The following PHACTR1 variants were observed in gnomAD, a reference collection of about 807,000 sequenced individuals.
The protein encoded by PHACTR1 is phosphatase and actin regulator 1, also known as RPEL repeat containing 1.
PHACTR1 carries 16 observed loss-of-function variants against 69.2 expected under a neutral mutation model. The observed-to-expected ratio is 0.23, with a 90% confidence interval of 0.16 to 0.35. PHACTR1 has a LOEUF of 0.35. Ranked by LOEUF, PHACTR1 falls within the 10% of genes least tolerant of loss-of-function variation. PHACTR1 has a pLI of 1.00. For missense variants in PHACTR1, 510 were observed against 734.7 expected (o/e 0.69, Z 3.54); for synonymous variants, 312 against 284.5 (o/e 1.10, Z -0.97).
At chr6:13,208,952 CAG>C (rs1238386828) in intron 8 of PHACTR1, among the ~76,000 whole-genome samples, 2 of 152,116 alleles carry the variant, frequency 1.3e-5, no homozygotes, top group Non-Finnish European at 2.9e-5. Context: ...TGTCCCAACT[CAG>C]AGTCATTTCC....
chr6:13,278,170 A>G, intron 11 of PHACTR1, 98 bp from the exon 12 acceptor site: 1 of 1,167,864 alleles, frequency 8.6e-7, no homozygotes. Flanking sequence ...CTTTATTAAA[A>G]TGAGATGCTT....
At chr6:12,982,594 C>G (rs1231384350) in intron 4 of PHACTR1, among the ~76,000 whole-genome samples, 1 of 152,194 alleles carries the variant, frequency 6.6e-6, no homozygotes, top group Non-Finnish European at 1.5e-5. Flanking sequence ...CAGAGAATCG[C>G]TTGAACCCGA....
chr6:13,081,877 A>G (rs1811443393), intron 5 of PHACTR1, among the ~76,000 whole-genome samples: 1 of 152,172 alleles, frequency 6.6e-6, no homozygotes, highest in Non-Finnish European at 1.5e-5. Context: ...GTCCTGTTTA[A>G]ATGCTACAGC....
intron 3 of PHACTR1, among the ~76,000 whole-genome samples, chr6:12,726,897 A>T (rs1273055577): frequency 6.6e-6 from 1 of 152,182 alleles, no homozygotes; most frequent in Non-Finnish European, 1.5e-5. Context: ...CTATCCAAAT[A>T]GTTGATATGT....
chr6:12,794,871 G>T (rs544502175), intron 4 of PHACTR1, among the ~76,000 whole-genome samples: 26 of 152,306 alleles, frequency 1.7e-4, no homozygotes, highest in African/African-American at 4.8e-4. Flanking sequence ...GCAGGGGCCA[G>T]ATGACAGAGG....
At chr6:13,213,455 C>T (rs1378307819) in intron 8 of PHACTR1, among the ~76,000 whole-genome samples, 2 of 152,270 alleles carry the variant, frequency 1.3e-5, no homozygotes, top group Admixed American at 1.3e-4. Flanking sequence ...GCACACACCC[C>T]TTTTGCATAC....
chr6:12,872,804 G>A (rs552315030), intron 4 of PHACTR1, among the ~76,000 whole-genome samples: 8 of 152,048 alleles, frequency 5.3e-5, no homozygotes, highest in Non-Finnish European at 1.0e-4. Context: ...CCAAATCCTT[G>A]TGCCATCAAC....
rs527534014 is a variant in PHACTR1, at chr6:13,270,936, A to G, written c.1392-1924A>G. ...ATCATGGAGGAAGGTGAAGGAGAAGAAGGCACATCACATGGCAAAAGCAGG... is the reference window on the plus strand; with the variant it reads ...ATCATGGAGGAAGGTGAAGGAGAAGGAGGCACATCACATGGCAAAAGCAGG... On this transcript the variant is annotated intron_variant, in intron 10 of 14. Transcript: ENST00000332995. 2.0e-5 allele frequency among the ~76,000 whole-genome samples: 3 copies of G among 152,202 alleles called. No individual in the cohort carries two copies. In the South Asian group the frequency reaches 6.2e-4, roughly 32 times the overall value.
chr6:12,998,169 G>A (rs1258584276), intron 4 of PHACTR1, among the ~76,000 whole-genome samples: 3 of 152,206 alleles, frequency 2.0e-5, no homozygotes, highest in Non-Finnish European at 4.4e-5. Flanking sequence ...TCTCCATATT[G>A]TAAAAAATAA....
chr6:13,215,655 A>G (rs930978037), intron 8 of PHACTR1, among the ~76,000 whole-genome samples: 5 of 152,252 alleles, frequency 3.3e-5, no homozygotes, highest in African/African-American at 9.6e-5. Context: ...TCAGGCTAAT[A>G]GGAGTCCCAA....
Position 13,222,774 on chromosome 6 carries a change from T to G in PHACTR1, c.987-5042T>G, listed in dbSNP as rs117267822. Among the ~76,000 whole-genome samples the G allele has an allele frequency of 6.7e-3, 1,017 of 152,278 alleles. 13 individuals are homozygous for G. The highest frequency in any genetic ancestry group is 0.027 in the East Asian group (142 of 5,176). The stretch of plus-strand genomic sequence containing the variant: ...TGGAGGAAGTGCTGCTGGCATCTGG[T>G]GGGCAGAGGCCAGGGGTACTGCTAA... On this transcript the variant is annotated intron_variant, in intron 8 of 14. Coordinates refer to ENST00000332995, the MANE Select transcript of PHACTR1 (RefSeq NM_030948.6).
intron 4 of PHACTR1, among the ~76,000 whole-genome samples, chr6:12,820,846 T>C (rs1046270207): frequency 1.3e-5 from 2 of 152,206 alleles, no homozygotes; most frequent in East Asian, 3.8e-4. Flanking sequence ...ATAAACTCTT[T>C]ATTAACAAAA....
chr6:13,117,390 A>T (rs901053446), intron 5 of PHACTR1, among the ~76,000 whole-genome samples: 1 of 152,128 alleles, frequency 6.6e-6, no homozygotes, highest in Admixed American at 6.6e-5. Flanking sequence ...TAGTGATGTC[A>T]TATGGATTTG....
intron 4 of PHACTR1, among the ~76,000 whole-genome samples, chr6:12,985,509 T>C (rs1796037793): frequency 7.1e-6 from 1 of 141,212 alleles, no homozygotes; most frequent in African/African-American, 2.8e-5. Flanking sequence ...TCATCAGAAG[T>C]TTGTAAAGTA....
chr6:13,129,616 A>T (rs1359797422), intron 5 of PHACTR1, among the ~76,000 whole-genome samples: 1 of 152,138 alleles, frequency 6.6e-6, no homozygotes, highest in Non-Finnish European at 1.5e-5. Context: ...ACAATCCTAA[A>T]TATATATGCA....
At chr6:13,142,836 A>G (rs1307293690) in intron 5 of PHACTR1, among the ~76,000 whole-genome samples, 5 of 97,074 alleles carry the variant, frequency 5.2e-5, no homozygotes, top group Non-Finnish European at 1.2e-4. Context: ...GAGAAGTGTG[A>G]AAAAAAAAAG....
intron 5 of PHACTR1, among the ~76,000 whole-genome samples, chr6:13,109,143 A>G (rs572618462): frequency 2.0e-5 from 3 of 152,074 alleles, no homozygotes; most frequent in African/African-American, 7.2e-5. Context: ...TTATTTCAAC[A>G]TGTAAACCTC....
chr6:13,203,737 A>G (rs936196603), intron 7 of PHACTR1, among the ~76,000 whole-genome samples: 1 of 152,208 alleles, frequency 6.6e-6, no homozygotes, highest in Non-Finnish European at 1.5e-5. Flanking sequence ...GCCTAGGGTT[A>G]TGGGAACATC....
chr6:13,126,021 T>A (rs2127955534), intron 5 of PHACTR1, among the ~76,000 whole-genome samples: 1 of 152,344 alleles, frequency 6.6e-6, no homozygotes, highest in African/African-American at 2.4e-5. Flanking sequence ...ATTGTGCATC[T>A]GTGCTTGGTT....
Sources: gnomAD v4.1 joint callset for allele counts (sites outside exome capture counted in the v4.1 genomes callset) on GRCh38, gnomAD v4.1.1 for gene constraint, MANE v1.5 for transcripts, NCBI Gene and HGNC (gene_info 2026-07-23, HGNC 2026-07-21) for gene names.